Variants in TBC1D25 observed in about 807,000 individuals in gnomAD.
TBC1D25 encodes the protein TBC1 domain family member 25.
A neutral mutation model predicts 38.8 loss-of-function variants in TBC1D25; 13 were observed. The ratio of observed to expected loss-of-function variants is 0.34; its 90% CI spans 0.22 to 0.53. The LOEUF (loss-of-function observed/expected upper bound fraction) is 0.53. TBC1D25 is among the 20% of genes least tolerant of loss of function. The probability of loss-of-function intolerance (pLI) is 0.94; values close to 1 mark genes in which losing one functional copy is unlikely to be tolerated. For missense variants in TBC1D25, 372 were observed against 600.0 expected, an observed-to-expected ratio of 0.62 and a Z score of 3.97; for synonymous variants, 225 against 255.6, an observed-to-expected ratio of 0.88 and a Z score of 1.14.
Position 48,559,817 on chromosome X carries a change from G to A in TBC1D25, c.909G>A (p.Ala303=), listed in dbSNP as rs782458182. The A allele has an allele frequency of 3.3e-6, 4 of 1,210,401 alleles. No homozygotes were observed. Among genetic ancestry groups the A allele is most frequent in the East Asian group, 5.9e-5 (2 of 33,757 alleles). The change falls in exon 6 of 6, where the codon GCG becomes GCA. Residue 303 remains alanine (A), a synonymous_variant. Transcript: ENST00000376771. ...LRTDRAHPYY[A]GPEDGPHLRA... ...CTGACCGGGCCCACCCCTACTATGCGGGGCCTGAGGATGGCCCACATCTAC... is the reference window on the plus strand; with the variant it reads ...CTGACCGGGCCCACCCCTACTATGCAGGGCCTGAGGATGGCCCACATCTAC...
chrX:48,540,944 G>T (rs2061834012), intron 1 of TBC1D25, among the ~76,000 whole-genome samples: 1 of 112,238 alleles, frequency 8.9e-6, no homozygotes, highest in Non-Finnish European at 1.9e-5. Context: ...GGTACTACTA[G>T]AGTGTAAAGT....
intron 3 of TBC1D25, among the ~76,000 whole-genome samples, chrX:48,551,436 T>C (rs1282776496): frequency 1.8e-5 from 2 of 110,411 alleles, no homozygotes; most frequent in African/African-American, 6.6e-5. Flanking sequence ...CAAGCGATTC[T>C]CCTGCCTCAG....
intron 3 of TBC1D25, among the ~76,000 whole-genome samples, chrX:48,556,746 CAAAAAAAAAAA>C (rs57538682): frequency 2.4e-5 from 1 of 42,435 alleles, no homozygotes; most frequent in African/African-American, 9.6e-5. Context: ...GACTCCGTCT[CAAAAAAAAAAA>C]AAAAAAAAAA....
At chrX:48,545,541 CATTT>C (rs2061876528) in intron 3 of TBC1D25, among the ~76,000 whole-genome samples, 1 of 111,972 alleles carries the variant, frequency 8.9e-6, no homozygotes, top group African/African-American at 3.2e-5. Flanking sequence ...CTCACTCATT[CATTT>C]GTTCCCTTGA....
chrX:48,546,267 AG>A (rs2061884333), intron 3 of TBC1D25, among the ~76,000 whole-genome samples: 1 of 104,942 alleles, frequency 9.5e-6, no homozygotes, highest in Non-Finnish European at 1.9e-5. Flanking sequence ...TAATCCCAGC[AG>A]TTTAGGAGGC....
At position 48,561,207 on chromosome X, in the gene TBC1D25, C is replaced by A. The variant is rs899352434; in HGVS notation, c.*232C>A. ...TTGTTTTTAACAACTATACTTTGCA[C>A]ACATGAAGGTCACTGTGGTTTGTGT... On this transcript the variant is annotated 3_prime_UTR_variant, in exon 6 of 6. Coordinates refer to ENST00000376771, the MANE Select transcript of TBC1D25 (RefSeq NM_002536.4). 1.9e-5 allele frequency: 7 copies of A among 368,182 alleles called. No homozygotes were observed. Among genetic ancestry groups the A allele is most frequent in the Middle Eastern group, 1.4e-3 (2 of 1,402 alleles). The allele number at this position is 368,182 out of a possible 1,213,427, so 30.3% of individuals were successfully genotyped here. A position where few individuals can be genotyped will look rare whatever the true frequency, so the allele number is the denominator to read the frequency against.
intron 3 of TBC1D25, among the ~76,000 whole-genome samples, chrX:48,548,255 A>G (rs981219891): frequency 6.4e-5 from 7 of 108,793 alleles, no homozygotes; most frequent in African/African-American, 1.7e-4. Flanking sequence ...AGCTGGGCCT[A>G]TAGGCACATG....
intron 3 of TBC1D25, among the ~76,000 whole-genome samples, chrX:48,554,194 T>C (rs1309046092): frequency 1.9e-5 from 2 of 105,165 alleles, no homozygotes; most frequent in East Asian, 6.5e-4. Context: ...AAAAAAAAAT[T>C]GCTGGGATTA....
intron 3 of TBC1D25, among the ~76,000 whole-genome samples, chrX:48,547,280 TTG>T (rs1242999458): frequency 9.0e-6 from 1 of 111,610 alleles, no homozygotes; most frequent in African/African-American, 3.3e-5. Flanking sequence ...CATTTTGGAC[TTG>T]TTAAAATTGG....
intron 3 of TBC1D25, among the ~76,000 whole-genome samples, chrX:48,557,222 G>T (rs1029522750): frequency 9.1e-6 from 1 of 109,387 alleles, no homozygotes; most frequent in Non-Finnish European, 1.9e-5. Context: ...GAGCAAGACT[G>T]TCTCAAAAAA....
rs781906250 is a variant in TBC1D25 at position 48,560,854 on chromosome X, G to A, written c.1946G>A (p.Arg649His). 223 of 1,211,331 alleles carry A rather than the reference G, an allele frequency of 1.8e-4. No homozygotes were observed. Among genetic ancestry groups the A allele is most frequent in the Admixed American group, 3.3e-4 (15 of 45,948 alleles). Residue 649 changes from arginine to histidine, a missense_variant, in exon 6 of 6, where the codon CGC becomes CAC. Physicochemically the swap from Arg to His is conservative, Grantham distance 29. Transcript: ENST00000376771. ...AATGAGCTGGCCATGCACTTTGACC[G>A]CCTTGTGCGAAAACACCACCTGGGG... is the stretch of plus-strand genomic sequence containing the variant. The part of the protein sequence containing the change: ...DYNELAMHFD[R>H]LVRKHHLGRV...
chrX:48,559,648 A>G lies in TBC1D25; in HGVS notation c.740A>G (p.Asp247Gly). Residue 247 changes from aspartate to glycine, a missense_variant, in exon 6 of 6, where the codon GAT becomes GGT. Coordinates refer to ENST00000376771, the MANE Select transcript of TBC1D25 (RefSeq NM_002536.4). Reference sequence around the variant, plus strand: ...CGGTACCTGCTGAACGTGTATCCAGATGGACTGACAGGCCGAGAGCGGATG... The same window carrying G: ...CGGTACCTGCTGAACGTGTATCCAGGTGGACTGACAGGCCGAGAGCGGATG... ...VWRYLLNVYP[D>G]GLTGRERMDY... is the part of the protein sequence containing the mutation. The G allele has an allele frequency of 6.6e-6, 8 of 1,211,196 alleles. No individual in the cohort carries two copies. The highest frequency in any genetic ancestry group is 8.9e-6 in the Non-Finnish European group (8 of 895,199).
At chrX:48,557,222 G>A (rs1029522750) in intron 3 of TBC1D25, among the ~76,000 whole-genome samples, 4 of 109,436 alleles carry the variant, frequency 3.7e-5, no homozygotes, top group African/African-American at 1.0e-4. Context: ...GAGCAAGACT[G>A]TCTCAAAAAA....
chrX:48,549,955 G>A (rs782298465), intron 3 of TBC1D25, among the ~76,000 whole-genome samples: 1 of 111,000 alleles, frequency 9.0e-6, no homozygotes, highest in Non-Finnish European at 1.9e-5. Context: ...AAAAAATCAA[G>A]ATAGTCAATT....
At chrX:48,542,018 TTTTA>T (rs1556980408) in intron 2 of TBC1D25, among the ~76,000 whole-genome samples, 2 of 86,429 alleles carry the variant, frequency 2.3e-5, no homozygotes, top group African/African-American at 1.0e-4. Context: ...GCATTTTCCT[TTTTA>T]TTTCTTTTTT....
In TBC1D25 at chrX:48,547,501, T is replaced by C. The variant is rs1207202204; in HGVS notation, c.388+2478T>C. Among the ~76,000 whole-genome samples, 4 of 111,811 alleles carry C rather than the reference T, an allele frequency of 3.6e-5. 1 individual carries two copies. The highest frequency in any genetic ancestry group is 1.9e-4 in the Admixed American group (2 of 10,427). On this transcript the variant is annotated intron_variant, in intron 3 of 5. Transcript: ENST00000376771. ...CTGTTAAAGAGACACAGTAGCACTA[T>C]TTCAGGAAAAAAATCAAATCTGCAT...
intron 3 of TBC1D25, among the ~76,000 whole-genome samples, chrX:48,550,005 A>G (rs2061916809): frequency 9.5e-6 from 1 of 105,370 alleles, no homozygotes; most frequent in Non-Finnish European, 2.0e-5. Flanking sequence ...TTTTTTTTTG[A>G]GACGAAGTTT....
Position 48,562,122 on chromosome X carries a change from TG to T in TBC1D25, c.*1151del, listed in dbSNP as rs2062032382. The T allele has an allele frequency of 8.9e-6, 1 of 111,955 alleles. No homozygotes were observed. Among genetic ancestry groups the T allele is most frequent in the Non-Finnish European group, 1.9e-5 (1 of 53,198 alleles). 9.2% of individuals were successfully genotyped at this position (111,955 alleles called of 1,213,427 possible). A position where few individuals can be genotyped will look rare whatever the true frequency, so the allele number is the denominator to read the frequency against. On this transcript the variant is annotated 3_prime_UTR_variant, in exon 6 of 6. Transcript: ENST00000376771. ...ATCCACAAAGGATGGGTGAAATAACTGGGGTCCTCAGGTCACGGTCTAGCCA... is the reference window on the plus strand; with the variant it reads ...ATCCACAAAGGATGGGTGAAATAACTGGGTCCTCAGGTCACGGTCTAGCCA...
rs912144137 is a variant in TBC1D25, at chrX:48,561,156, C to T, written c.*181C>T. ...CTTTGGCACTGCCCCGCAGAGGCCA[C>T]GCCTATTTATTCTGTTTCTGTTGTT... On this transcript the variant is annotated 3_prime_UTR_variant, in exon 6 of 6. Coordinates refer to ENST00000376771, the MANE Select transcript of TBC1D25 (RefSeq NM_002536.4). 5 of 463,745 alleles carry T rather than the reference C, an allele frequency of 1.1e-5. No homozygotes were observed. The Admixed American group carries it at 1.3e-4, about 12-fold the overall frequency. 38.2% of individuals were successfully genotyped at this position (463,745 alleles called of 1,213,427 possible). A position where few individuals can be genotyped will look rare whatever the true frequency, so the allele number is the denominator to read the frequency against.
Sources: gnomAD v4.1 joint callset for allele counts (sites outside exome capture counted in the v4.1 genomes callset) on GRCh38, gnomAD v4.1.1 for gene constraint, MANE v1.5 for transcripts, NCBI Gene and HGNC (gene_info 2026-07-23, HGNC 2026-07-21) for gene names.